The following ACER3 variants were observed in gnomAD, a reference collection of about 807,000 sequenced individuals.
The protein encoded by ACER3 is alkCDase 3.
In ACER3, 16 loss-of-function variants were observed where a neutral mutation model predicts 48.9. That is an observed-to-expected ratio of 0.33 (90% CI 0.22 to 0.50). The LOEUF (loss-of-function observed/expected upper bound fraction) is 0.50, where lower values mean the gene tolerates loss of function less well. ACER3 is among the 20% of genes least tolerant of loss of function. ACER3 has a pLI of 0.98. For missense variants in ACER3, 227 were observed against 326.0 expected, an observed-to-expected ratio of 0.70 and a Z score of 2.34; for synonymous variants, 109 against 107.8, an observed-to-expected ratio of 1.01 and a Z score of -0.07.
intron 1 of ACER3, among the ~76,000 whole-genome samples, chr11:76,885,498 A>G (rs1590880592): frequency 6.6e-6 from 1 of 152,168 alleles, no homozygotes; most frequent in African/African-American, 2.4e-5. Flanking sequence ...CAGGATGAAT[A>G]ACACCATGTA....
chr11:76,948,180 T>A, intron 2 of ACER3, among the ~76,000 whole-genome samples: 1 of 151,840 alleles, frequency 6.6e-6, no homozygotes, highest in South Asian at 2.1e-4. Context: ...ATTACCATTC[T>A]GTTATTGCTG....
rs375819921 is a variant in ACER3 at position 76,927,608 on chromosome 11, C to T, written c.214+941C>T. On this transcript the variant is annotated intron_variant, in intron 2 of 10. Coordinates refer to ENST00000532485, the MANE Select transcript of ACER3 (RefSeq NM_018367.7). ...ATATCTCCTAATGCTATCCCTCCCC[C>T]CTTCCCCCACCCCACAACAGGCCCT... 4.6e-5 allele frequency among the ~76,000 whole-genome samples: 7 copies of T among 152,078 alleles called. No individual in the cohort carries two copies. In the East Asian group the frequency reaches 1.4e-3, roughly 29 times the overall value.
At chr11:76,918,341 GTTA>G (rs1319182525) in intron 1 of ACER3, among the ~76,000 whole-genome samples, 4 of 151,642 alleles carry the variant, frequency 2.6e-5, no homozygotes, top group East Asian at 1.9e-4. Context: ...TTATATGATG[GTTA>G]TTATTATTAT....
At chr11:76,969,620 A>G (rs1948237492) in intron 3 of ACER3, among the ~76,000 whole-genome samples, 2 of 152,090 alleles carry the variant, frequency 1.3e-5, no homozygotes, top group South Asian at 4.2e-4. Flanking sequence ...CAGCCATAAA[A>G]AAGGATGAGT....
intron 1 of ACER3, among the ~76,000 whole-genome samples, chr11:76,913,134 G>A (rs1044033637): frequency 1.4e-4 from 21 of 152,082 alleles, no homozygotes; most frequent in African/African-American, 4.8e-4. Flanking sequence ...TGAAGCAATT[G>A]TGAATGGGAA....
intron 5 of ACER3, among the ~76,000 whole-genome samples, chr11:76,989,197 A>AT (rs912655325): frequency 6.6e-6 from 1 of 151,836 alleles, no homozygotes; most frequent in Non-Finnish European, 1.5e-5. Flanking sequence ...CAGATATACA[A>AT]TATCTCATAC....
intron 9 of ACER3, among the ~76,000 whole-genome samples, chr11:77,016,988 T>C (rs782308542): frequency 6.6e-6 from 1 of 151,938 alleles, no homozygotes; most frequent in Non-Finnish European, 1.5e-5. Flanking sequence ...AAATACAACA[T>C]ACCAAACTTA....
chr11:76,870,827 A>C (rs1945223718), intron 1 of ACER3, among the ~76,000 whole-genome samples: 1 of 152,244 alleles, frequency 6.6e-6, no homozygotes, highest in South Asian at 2.1e-4. Context: ...TAATGCATTG[A>C]TATAAAACAA....
intron 4 of ACER3, among the ~76,000 whole-genome samples, chr11:76,976,941 G>T (rs935820619): frequency 3.9e-5 from 6 of 152,096 alleles, no homozygotes; most frequent in African/African-American, 1.4e-4. Context: ...AAGTTAATTT[G>T]CATTTCCTGA....
chr11:77,022,645 T>A lies in ACER3; in HGVS notation c.*2318T>A, dbSNP rs1165965372. On this transcript the variant is annotated 3_prime_UTR_variant, in exon 11 of 11. Transcript: ENST00000532485. ...TTCCTACTTGGATTCTAGGTGGACATTACAGAGTTGAATTCCTCACTACCC... is the reference window on the plus strand; with the variant it reads ...TTCCTACTTGGATTCTAGGTGGACAATACAGAGTTGAATTCCTCACTACCC... 6.5e-6 allele frequency: 1 copy of A among 152,960 alleles called. No homozygotes were observed. The highest frequency in any genetic ancestry group is 2.1e-4 in the South Asian group (1 of 4,826). 9.5% of individuals were successfully genotyped at this position (152,960 alleles called of 1,614,324 possible).
rs1021275181 is a variant in ACER3 at position 76,933,238 on chromosome 11, ATCTTT to A, written c.214+6573_214+6577del. On this transcript the variant is annotated intron_variant, in intron 2 of 10. Coordinates refer to ENST00000532485, the MANE Select transcript of ACER3 (RefSeq NM_018367.7). ...TGAAGTGGGCAGTCTTGAATTAGAA[ATCTTT>A]TTTTTTTTTTTTAGCACATACTTAT... is the stretch of plus-strand genomic sequence containing the variant. Among the ~76,000 whole-genome samples the A allele has an allele frequency of 1.5e-3, 109 of 74,012 alleles. No individual in the cohort carries two copies. In the East Asian group the frequency reaches 0.033, roughly 23 times the overall value. 48.6% of individuals were successfully genotyped at this position (74,012 alleles called of 152,430 possible). A position where few individuals can be genotyped will look rare whatever the true frequency, so the allele number is the denominator to read the frequency against.
intron 2 of ACER3, among the ~76,000 whole-genome samples, chr11:76,954,175 G>A (rs983077351): frequency 2.0e-5 from 3 of 152,046 alleles, no homozygotes; most frequent in Non-Finnish European, 2.9e-5. Context: ...TCGAACTCCC[G>A]ACCTCAGGTG....
chr11:76,906,665 A>G (rs1478428860), intron 1 of ACER3, among the ~76,000 whole-genome samples: 1 of 152,150 alleles, frequency 6.6e-6, no homozygotes, highest in African/African-American at 2.4e-5. Context: ...TTGTCTGTGC[A>G]GTGGGCAAGA....
chr11:76,910,044 C>G (rs879768072), intron 1 of ACER3, among the ~76,000 whole-genome samples: 2 of 150,780 alleles, frequency 1.3e-5, no homozygotes. Flanking sequence ...ACCACATGTT[C>G]TCACTCATAA....
chr11:76,882,522 T>C (rs894006367), intron 1 of ACER3, among the ~76,000 whole-genome samples: 3 of 152,230 alleles, frequency 2.0e-5, no homozygotes, highest in African/African-American at 4.8e-5. Context: ...TTTTTCATTA[T>C]TGTTAGCATA....
At chr11:76,988,442 T>A (rs1948730101) in intron 5 of ACER3, among the ~76,000 whole-genome samples, 1 of 152,134 alleles carries the variant, frequency 6.6e-6, no homozygotes, top group South Asian at 2.1e-4. Flanking sequence ...ACTTAACAAA[T>A]CATCGTGGAA....
chr11:76,959,535 T>G (rs1947929597), intron 3 of ACER3, among the ~76,000 whole-genome samples: 1 of 152,118 alleles, frequency 6.6e-6, no homozygotes, highest in Non-Finnish European at 1.5e-5. Context: ...GGTTTTTTTT[T>G]GCAATTTATT....
In ACER3 at chr11:76,861,229, G is replaced by C. The variant is rs897407497; in HGVS notation, c.103+150G>C. 6 of 702,400 alleles carry C rather than the reference G, an allele frequency of 8.5e-6. No individual in the cohort carries two copies. In the African/African-American group the frequency reaches 1.1e-4, roughly 13 times the overall value. The allele number at this position is 702,400 out of a possible 1,614,324, so 43.5% of individuals were successfully genotyped here. A position where few individuals can be genotyped will look rare whatever the true frequency, so the allele number is the denominator to read the frequency against. ...AATGCGGCGCCCTGGGCCAGCGGGA[G>C]GCTGAGAGGAGCGGGCCGGGAGTCC... On this transcript the variant is annotated intron_variant, in intron 1 of 10. Transcript: ENST00000532485.
At chr11:76,902,062 G>C (rs914910242) in intron 1 of ACER3, among the ~76,000 whole-genome samples, 1 of 150,820 alleles carries the variant, frequency 6.6e-6, no homozygotes, top group Non-Finnish European at 1.5e-5. Context: ...TTTTTTTCCA[G>C]AATAGGGTAC....
Sources: allele counts gnomAD v4.1 joint callset (sites outside exome capture counted in the v4.1 genomes callset), GRCh38; gene constraint gnomAD v4.1.1; transcripts MANE v1.5; gene names NCBI Gene and HGNC (gene_info 2026-07-23, HGNC 2026-07-21).